Variants in DRAM1 observed in about 807,000 individuals in gnomAD.
DRAM1 encodes the protein DNA damage-regulated autophagy modulator protein 1.
DRAM1 carries 25 observed loss-of-function variants against 28.5 expected under a neutral mutation model. The ratio of observed to expected loss-of-function variants is 0.88; its 90% CI spans 0.64 to 1.23. DRAM1 has a LOEUF of 1.23. Ranked by LOEUF, DRAM1 falls within the 50% of genes most tolerant of loss-of-function variation. The pLI is 0.00. For missense variants in DRAM1, 249 were observed against 299.2 expected, an observed-to-expected ratio of 0.83 and a Z score of 1.24; for synonymous variants, 113 against 114.2, an observed-to-expected ratio of 0.99 and a Z score of 0.07.
At chr12:101,909,031 G>T (rs913709004) in intron 4 of DRAM1, among the ~76,000 whole-genome samples, 1 of 152,006 alleles carries the variant, frequency 6.6e-6, no homozygotes, top group Non-Finnish European at 1.5e-5. Context: ...GGAGGCTCAG[G>T]TGGGTGGATC....
intron 3 of DRAM1, 104 bp from the exon 4 acceptor site, chr12:101,908,082 A>C: frequency 1.1e-6 from 1 of 927,048 alleles, no homozygotes; most frequent in Non-Finnish European, 1.6e-6. Flanking sequence ...GAAGTGGTGC[A>C]TCTGTGATGA....
chr12:101,892,722 A>T (rs906775105), intron 1 of DRAM1, among the ~76,000 whole-genome samples: 8 of 152,166 alleles, frequency 5.3e-5, no homozygotes, highest in Non-Finnish European at 1.0e-4. Flanking sequence ...GAATTTTTTT[A>T]AAATTATTTT....
In DRAM1 at chr12:101,908,263, G is replaced by A; in HGVS notation, c.420G>A (p.Gln140=). 1 of 1,614,142 alleles carries A rather than the reference G, an allele frequency of 6.2e-7. No individual in the cohort carries two copies. Among genetic ancestry groups the A allele is most frequent in the Non-Finnish European group, 8.5e-7 (1 of 1,180,040 alleles). ...FVCGVVYTLL[Q]SIISYKSCPQ... ...GTGGTGTCGTGTACACGCTCCTACA[G>A]TCCATCATCTCTTACAAATCATGTC... The change falls in exon 4 of 7, where the codon CAG becomes CAA. Residue 140 remains glutamine, a synonymous_variant. Transcript: ENST00000258534.
intron 3 of DRAM1, among the ~76,000 whole-genome samples, chr12:101,907,250 A>G (rs1218941036): frequency 1.3e-5 from 2 of 151,764 alleles, no homozygotes; most frequent in African/African-American, 2.4e-5. Flanking sequence ...TGCATAACAA[A>G]AGCAGTGGTT....
intron 1 of DRAM1, among the ~76,000 whole-genome samples, chr12:101,892,971 T>C (rs1211893341): frequency 6.6e-6 from 1 of 152,088 alleles, no homozygotes; most frequent in African/African-American, 2.4e-5. Context: ...AACACTGTTG[T>C]ATTGTACTGT....
At chr12:101,884,431 A>G (rs1052880545) in intron 1 of DRAM1, among the ~76,000 whole-genome samples, 2 of 151,690 alleles carry the variant, frequency 1.3e-5, no homozygotes, top group African/African-American at 4.8e-5. Context: ...AAGCCAAATC[A>G]TGCTTAACTT....
At chr12:101,913,836 G>T (rs892749037) in intron 4 of DRAM1, among the ~76,000 whole-genome samples, 25 of 151,806 alleles carry the variant, frequency 1.6e-4, no homozygotes, top group African/African-American at 6.0e-4. Context: ...AATTTAAACA[G>T]CTAGTTTAAA....
Position 101,893,852 on chromosome 12 carries a change from A to G in DRAM1, c.132-4011A>G, listed in dbSNP as rs371602837. Among the ~76,000 whole-genome samples the G allele has an allele frequency of 2.1e-5, 3 of 140,410 alleles. No homozygotes were observed. In the East Asian group the frequency reaches 6.3e-4, roughly 29 times the overall value. 92.1% of individuals were successfully genotyped at this position (140,410 alleles called of 152,430 possible). ...CTTTTGGTTCCACCTGTATAGTTTT[A>G]TTTATTTACTTATTTATTTTAATCT... On this transcript the variant is annotated intron_variant, in intron 1 of 6. Transcript: ENST00000258534.
intron 1 of DRAM1, among the ~76,000 whole-genome samples, chr12:101,883,360 G>A (rs1594290057): frequency 1.3e-5 from 2 of 149,392 alleles, no homozygotes; most frequent in African/African-American, 4.9e-5. Context: ...TGTTGCCCAG[G>A]CTGGAGTACA....
rs117479228 is a variant in DRAM1 at position 101,911,799 on chromosome 12, A to G, written c.521-2375A>G. Among the ~76,000 whole-genome samples the G allele has an allele frequency of 4.3e-4, 65 of 152,326 alleles. 1 individual carries two copies. The East Asian group carries it at 9.2e-3, about 22-fold the overall frequency. Reference sequence around the variant, plus strand: ...TATCATCAGCAATATTATTTGATATATTGAGTTAAATAAGATGTATGTTGT... The same window carrying G: ...TATCATCAGCAATATTATTTGATATGTTGAGTTAAATAAGATGTATGTTGT... On this transcript the variant is annotated intron_variant, in intron 4 of 6. Transcript: ENST00000258534.
At chr12:101,918,801 A>G (rs1015805630) in intron 5 of DRAM1, among the ~76,000 whole-genome samples, 1 of 152,156 alleles carries the variant, frequency 6.6e-6, no homozygotes, top group Non-Finnish European at 1.5e-5. Context: ...CAGAGCAGAA[A>G]GTGACGTAGG....
At chr12:101,902,913 C>G in intron 3 of DRAM1, among the ~76,000 whole-genome samples, 1 of 111,102 alleles carries the variant, frequency 9.0e-6, no homozygotes, top group East Asian at 3.5e-4. Flanking sequence ...GTGTGACTGC[C>G]TCTTTTTTTT....
rs1252313592 is a variant in DRAM1, at chr12:101,920,136, A to T, written c.607A>T (p.Ile203Phe). ...TTATGTATATCACGTAGTGAGTGCG[A>T]TCTGTGAATGGACAGTGGCCTTTGG... The part of the protein sequence containing the change: ...KDYVYHVVSA[I>F]CEWTVAFGFI... The change falls in exon 6 of 7, where the codon ATC becomes TTC. Residue 203 changes from isoleucine to phenylalanine, a missense_variant. By Grantham distance (21) the Ile-to-Phe change is conservative (BLOSUM62 0). Around this residue, in one of 3 missense-constraint regions of DRAM1, gnomAD observed 15 missense variants for 39.9 expected, o/e 0.38. Transcript: ENST00000258534. 2 of 1,610,332 alleles carry T rather than the reference A, an allele frequency of 1.2e-6. No individual in the cohort carries two copies. Among genetic ancestry groups the T allele is most frequent in the East Asian group, 4.5e-5 (2 of 44,808 alleles).
chr12:101,908,449 G>C, intron 4 of DRAM1, 86 bp downstream of exon 4: 2 of 1,372,538 alleles, frequency 1.5e-6, no homozygotes, highest in South Asian at 2.8e-5. Context: ...ACTTTATAGG[G>C]ACCGCTGCAA....
intron 5 of DRAM1, among the ~76,000 whole-genome samples, chr12:101,918,885 A>G (rs1379807000): frequency 6.6e-6 from 1 of 152,088 alleles, no homozygotes; most frequent in African/African-American, 2.4e-5. Flanking sequence ...GCAGACATGC[A>G]TATTTGACTC....
At chr12:101,905,309 T>G (rs1873764314) in intron 3 of DRAM1, among the ~76,000 whole-genome samples, 1 of 152,206 alleles carries the variant, frequency 6.6e-6, no homozygotes, top group African/African-American at 2.4e-5. Flanking sequence ...TGAGACAGGG[T>G]CTTGATCTGT....
At chr12:101,918,309 T>G (rs1874334296) in intron 5 of DRAM1, among the ~76,000 whole-genome samples, 2 of 152,384 alleles carry the variant, frequency 1.3e-5, no homozygotes, top group South Asian at 4.1e-4. Context: ...TGGTTCCATG[T>G]ACTTTCACTA....
intron 4 of DRAM1, among the ~76,000 whole-genome samples, chr12:101,910,031 A>G (rs138015398): frequency 8.6e-4 from 131 of 152,374 alleles, no homozygotes; most frequent in Non-Finnish European, 1.5e-3. Context: ...TTGCTTCTAA[A>G]TATTAAGCTT....
Position 101,877,991 on chromosome 12 carries a change from A to T in DRAM1, c.131+71A>T, listed in dbSNP as rs953244025. Reference sequence around the variant, plus strand: ...ACCACAGGGAGCGCTGCCGACGGGGAGGGAAGGCGTCCGGACCCAGCTTGG... The same window carrying T: ...ACCACAGGGAGCGCTGCCGACGGGGTGGGAAGGCGTCCGGACCCAGCTTGG... On this transcript the variant is annotated intron_variant, in intron 1 of 6. Coordinates refer to ENST00000258534, the MANE Select transcript of DRAM1 (RefSeq NM_018370.3). The surrounding 1 kb of genome is among the most constrained non-coding windows in gnomAD (Gnocchi z 4.1). 1.0e-5 allele frequency: 14 copies of T among 1,360,084 alleles called. No homozygotes were observed. Among genetic ancestry groups the T allele is most frequent in the Non-Finnish European group, 1.2e-5 (13 of 1,041,966 alleles). 84.3% of individuals were successfully genotyped at this position (1,360,084 alleles called of 1,614,324 possible). A position where few individuals can be genotyped will look rare whatever the true frequency, so the allele number is the denominator to read the frequency against.
Sources: allele counts gnomAD v4.1 joint callset (sites outside exome capture counted in the v4.1 genomes callset), GRCh38; gene constraint gnomAD v4.1.1; regional missense constraint gnomAD v4.1.1; non-coding constraint Gnocchi (gnomAD v3.1); transcripts MANE v1.5; gene names NCBI Gene and HGNC (gene_info 2026-07-23, HGNC 2026-07-21).